The following BEST1 variants were observed in gnomAD, a reference collection of about 807,000 sequenced individuals.
The protein encoded by BEST1 is bestrophin 1.
A neutral mutation model predicts 63.3 loss-of-function variants in BEST1; 58 were observed. That is an observed-to-expected ratio of 0.92 (90% CI 0.74 to 1.14). BEST1 has a LOEUF of 1.14. BEST1 is among the 50% of genes most tolerant of loss of function. The pLI, the probability that BEST1 is intolerant of heterozygous loss-of-function variation, is 0.00. For missense variants in BEST1, 671 were observed against 740.1 expected (o/e 0.91, Z 1.08); for synonymous variants, 283 against 291.6 (o/e 0.97, Z 0.30).
intron 2 of BEST1, 39 bp from the exon 3 acceptor site, chr11:61,955,068 G>C: frequency 6.2e-7 from 1 of 1,611,590 alleles, no homozygotes; most frequent in Non-Finnish European, 8.5e-7. Context: ...CCATCTCCTC[G>C]CTGCGTCCAC....
chr11:61,955,630 G>T, intron 3 of BEST1, 88 bp from the exon 4 acceptor site: 1 of 1,388,394 alleles, frequency 7.2e-7, no homozygotes, highest in Non-Finnish European at 9.9e-7. Flanking sequence ...CAGAAAGCTG[G>T]AGGAGCCGAG....
Position 61,956,966 on chromosome 11 carries a change from C to G in BEST1, c.604C>G (p.Arg202Gly). ...SMKAWLGGRI[R>G]DPILLQSLLN... ...GAAGGCGTGGCTTGGAGGTCGAATCCGGGACCCTATCCTGCTCCAGAGCCT... is the reference window on the plus strand; with the variant it reads ...GAAGGCGTGGCTTGGAGGTCGAATCGGGGACCCTATCCTGCTCCAGAGCCT... Residue 202 changes from arginine to glycine, a missense_variant, in exon 5 of 11, where the codon CGG becomes GGG. Coordinates refer to ENST00000378043, the MANE Select transcript of BEST1 (RefSeq NM_004183.4). The G allele has an allele frequency of 6.2e-7, 1 of 1,614,104 alleles. No homozygotes were observed. The highest frequency in any genetic ancestry group is 8.5e-7 in the Non-Finnish European group (1 of 1,180,014).
upstream of BEST1, chr11:61,950,036 CT>C (rs1940497440): frequency 1.3e-5 from 2 of 153,214 alleles, no homozygotes; most frequent in African/African-American, 4.8e-5. Flanking sequence ...GCACAGCCCC[CT>C]AACCCCCAAC....
chr11:61,953,886 A>AAAACAAAC (rs112657532), intron 2 of BEST1, among the ~76,000 whole-genome samples: 1,523 of 150,728 alleles, frequency 0.01, 19 homozygotes, highest in African/African-American at 0.028. Context: ...ACCCTATCTC[A>AAAACAAAC]AAACAAACAA....
intron 2 of BEST1, among the ~76,000 whole-genome samples, chr11:61,952,930 C>T (rs865778899): frequency 2.6e-5 from 4 of 151,772 alleles, no homozygotes; most frequent in African/African-American, 9.7e-5. Flanking sequence ...AGTGAGACCC[C>T]GTCTCTACCA....
chr11:61,952,459 CTTTTTTTTTTTTTT>C (rs34404535), intron 2 of BEST1, among the ~76,000 whole-genome samples: 2 of 78,168 alleles, frequency 2.6e-5, no homozygotes, highest in Middle Eastern at 9.8e-3. Flanking sequence ...CCACATGGTA[CTTTTTTTTTTTTTT>C]TTTTTTTTTT....
Position 61,962,258 on chromosome 11 carries a change from G to C in BEST1, c.1104G>C (p.Leu368=), listed in dbSNP as rs886044150. Residue 368 remains leucine, a synonymous_variant, in exon 10 of 11, where the codon CTG becomes CTC. Transcript: ENST00000378043. ...TGCATCTCCTGTTTCTTTCCAGCCT[G>C]AACAAAGAGGAGATGGAGTTCCAGC... is the stretch of plus-strand genomic sequence containing the variant. The part of the protein sequence containing the change: ...SFMGSTFNIS[L]NKEEMEFQPN... The C allele has an allele frequency of 6.2e-7, 1 of 1,613,964 alleles. No individual in the cohort carries two copies. The highest frequency in any genetic ancestry group is 2.2e-5 in the East Asian group (1 of 44,890).
At chr11:61,961,679 G>A (rs1158615470) in intron 9 of BEST1, 1 of 160,462 alleles carries the variant, frequency 6.2e-6, no homozygotes, top group Non-Finnish European at 1.4e-5. Context: ...TGCCTGGGAG[G>A]CGGCTTCCAG....
At chr11:61,963,847 A>C in intron 10 of BEST1, 1 of 1,304,614 alleles carries the variant, frequency 7.7e-7, no homozygotes, top group Admixed American at 3.3e-5. Context: ...CTACCAAAAA[A>C]AATACAAATC....
At chr11:61,952,347 G>A (rs1186738912) in intron 2 of BEST1, among the ~76,000 whole-genome samples, 1 of 151,770 alleles carries the variant, frequency 6.6e-6, no homozygotes, top group Non-Finnish European at 1.5e-5. Context: ...GAGTCTCACT[G>A]TGTTGTCCAG....
At chr11:61,963,510 T>C (rs1467826556) in intron 10 of BEST1, 1 of 1,045,474 alleles carries the variant, frequency 9.6e-7, no homozygotes, top group East Asian at 7.7e-5. Flanking sequence ...TTTCCCTTTA[T>C]TCCAGATTTC....
intron 2 of BEST1, among the ~76,000 whole-genome samples, chr11:61,953,206 T>C (rs1457333824): frequency 6.6e-6 from 1 of 152,198 alleles, no homozygotes. Flanking sequence ...AAATATCAAA[T>C]ACATGAAATT....
chr11:61,964,719 C>T (rs377371056), downstream of BEST1: 8 of 1,597,804 alleles, frequency 5.0e-6, no homozygotes, highest in Admixed American at 8.3e-5. Context: ...GGGAAATTAG[C>T]CCGAGGCTTA....
At chr11:61,955,079 AC>A (rs1941131421) in intron 2 of BEST1, 27 bp from the exon 3 acceptor site, 1 of 1,612,540 alleles carries the variant, frequency 6.2e-7, no homozygotes, top group African/African-American at 1.3e-5. Flanking sequence ...CTGCGTCCAC[AC>A]AATTCCACCC....
In BEST1 at chr11:61,962,833, C is replaced by T; in HGVS notation, c.1679C>T (p.Pro560Leu). 1 of 1,614,150 alleles carries T rather than the reference C, an allele frequency of 6.2e-7. No individual in the cohort carries two copies. Residue 560 changes from proline to leucine, a missense_variant, in exon 10 of 11, where the codon CCA becomes CTA. By Grantham distance (98) the Pro-to-Leu change is moderately conservative. Transcript: ENST00000378043. Reference protein sequence around the residue: ...NHLKEPLEQSPTNIHTTLKDH... With the variant: ...NHLKEPLEQSLTNIHTTLKDH... ...CTCAAAGAACCTTTGGAACAATCAC[C>T]AACCAACATACACACTACACTCAAA...
intron 9 of BEST1, 108 bp from the exon 10 acceptor site, chr11:61,962,147 C>A: frequency 1.7e-6 from 2 of 1,207,166 alleles, no homozygotes; most frequent in Non-Finnish European, 1.2e-6. Flanking sequence ...GACGGTGTGG[C>A]CTTGGCTTGG....
At position 61,958,159 on chromosome 11, in the gene BEST1, C is replaced by T. The variant is rs28940570; in HGVS notation, c.728C>T (p.Ala243Val). 9 of 1,601,072 alleles carry T rather than the reference C, an allele frequency of 5.6e-6. No homozygotes were observed. The highest frequency in any genetic ancestry group is 1.7e-4 in the Middle Eastern group (1 of 6,032). ...TCCTCCTCCCAGGTGGTGACTGTGG[C>T]GGTGTACAGCTTCTTCCTGACTTGT... The part of the protein sequence containing the change: ...PLVYTQVVTV[A>V]VYSFFLTCLV... Residue 243 changes from alanine (A) to valine (V), a missense_variant, in exon 7 of 11, where the codon GCG (alanine) becomes GTG (valine). Ala to Val is a moderately conservative substitution (Grantham distance 64). Coordinates refer to ENST00000378043, the MANE Select transcript of BEST1 (RefSeq NM_004183.4).
rs547271896 is a variant in BEST1 at position 61,955,005 on chromosome 11, C to T, written c.153-102C>T. The T allele has an allele frequency of 6.4e-6, 10 of 1,556,514 alleles. No individual in the cohort carries two copies. In the Admixed American group the frequency reaches 1.5e-4, roughly 24 times the overall value. Reference sequence around the variant, plus strand: ...GGCTGGGGAAAATGTGGGATAGCATCGAGGCAGTCCCACTCCTACCCAGGG... The same window carrying T: ...GGCTGGGGAAAATGTGGGATAGCATTGAGGCAGTCCCACTCCTACCCAGGG... On this transcript the variant is annotated intron_variant, in intron 2 of 10. Transcript: ENST00000378043.
intron 4 of BEST1, 56 bp from the exon 5 acceptor site, chr11:61,956,788 C>T (rs1002157201): frequency 3.1e-6 from 5 of 1,607,294 alleles, no homozygotes; most frequent in Middle Eastern, 1.6e-4. Flanking sequence ...CAGCAGGTGC[C>T]GGCCATCCCT....
Sources: gnomAD v4.1 joint callset for allele counts (sites outside exome capture counted in the v4.1 genomes callset) on GRCh38, gnomAD v4.1.1 for gene constraint, MANE v1.5 for transcripts, NCBI Gene and HGNC (gene_info 2026-07-23, HGNC 2026-07-21) for gene names.